Variants in SNX29 observed in about 807,000 individuals in gnomAD.
SNX29 encodes the protein sorting nexin-29.
A neutral mutation model predicts 102.1 loss-of-function variants in SNX29; 78 were observed. The ratio of observed to expected loss-of-function variants is 0.76; its 90% CI spans 0.64 to 0.92. SNX29 has a LOEUF of 0.92. Ranked by LOEUF, SNX29 falls within the 40% of genes least tolerant of loss-of-function variation. The pLI is 0.00. For missense variants in SNX29, 1,280 were observed against 1,061.7 expected, an observed-to-expected ratio of 1.21 and a Z score of -2.86; for synonymous variants, 580 against 414.5, an observed-to-expected ratio of 1.40 and a Z score of -4.85.
At chr16:12,016,298 A>T (rs1286975548) in intron 3 of SNX29, among the ~76,000 whole-genome samples, 1 of 150,294 alleles carries the variant, frequency 6.7e-6, no homozygotes, top group South Asian at 2.1e-4. Flanking sequence ...CTTAAGCATC[A>T]TTTTTTTTTT....
intron 14 of SNX29, among the ~76,000 whole-genome samples, chr16:12,241,362 A>T (rs891255634): frequency 4.6e-5 from 7 of 152,292 alleles, no homozygotes; most frequent in African/African-American, 1.4e-4. Flanking sequence ...TGAATTAACA[A>T]AAGTTTTGTC....
intron 18 of SNX29, among the ~76,000 whole-genome samples, chr16:12,416,750 A>C (rs1440935950): frequency 6.6e-6 from 1 of 152,068 alleles, no homozygotes; most frequent in Non-Finnish European, 1.5e-5. Context: ...AGAGAGGAGG[A>C]GGTGTTACTC....
At chr16:12,338,936 G>C (rs1262537378) in intron 15 of SNX29, among the ~76,000 whole-genome samples, 1 of 152,240 alleles carries the variant, frequency 6.6e-6, no homozygotes, top group Non-Finnish European at 1.5e-5. Flanking sequence ...CTGCAGCTTA[G>C]AGTCCCCCAG....
chr16:12,555,120 C>CA (rs764714145), intron 20 of SNX29, among the ~76,000 whole-genome samples: 9 of 117,948 alleles, frequency 7.6e-5, no homozygotes, highest in Admixed American at 1.6e-4. Flanking sequence ...CTCAGAGTAT[C>CA]AAAAGGCTTA....
chr16:12,447,868 G>T (rs903547770), intron 18 of SNX29, among the ~76,000 whole-genome samples: 11 of 152,150 alleles, frequency 7.2e-5, no homozygotes, highest in Non-Finnish European at 1.6e-4. Context: ...ACATCTGAGT[G>T]TCTCCATTGC....
intron 9 of SNX29, among the ~76,000 whole-genome samples, chr16:12,063,614 C>A (rs553952126): frequency 6.6e-6 from 1 of 151,876 alleles, no homozygotes; most frequent in Non-Finnish European, 1.5e-5. Flanking sequence ...CCTGACCTCA[C>A]GTGATCCACC....
chr16:12,488,061 A>G (rs2088337626), intron 19 of SNX29, among the ~76,000 whole-genome samples: 1 of 152,234 alleles, frequency 6.6e-6, no homozygotes, highest in Non-Finnish European at 1.5e-5. Context: ...GTGGAGGCCT[A>G]TGCATAGGTA....
At chr16:12,561,773 A>T (rs1326675574) in intron 20 of SNX29, among the ~76,000 whole-genome samples, 1 of 150,276 alleles carries the variant, frequency 6.7e-6, no homozygotes, top group African/African-American at 2.5e-5. Context: ...ACCAAAGCAC[A>T]TGTCAGGACC....
At chr16:12,478,325 C>G (rs959615525) in intron 19 of SNX29, among the ~76,000 whole-genome samples, 5 of 152,210 alleles carry the variant, frequency 3.3e-5, no homozygotes, top group African/African-American at 1.2e-4. Flanking sequence ...AAATGCTTTT[C>G]TAGTTTTCAT....
At chr16:12,311,522 C>T (rs924223581) in intron 15 of SNX29, among the ~76,000 whole-genome samples, 8 of 152,348 alleles carry the variant, frequency 5.3e-5, no homozygotes, top group Admixed American at 3.3e-4. Flanking sequence ...AGATGCAGGG[C>T]GGTTGAGCTT....
chr16:12,238,060 G>A (rs1567344057), intron 14 of SNX29, among the ~76,000 whole-genome samples: 1 of 152,206 alleles, frequency 6.6e-6, no homozygotes, highest in African/African-American at 2.4e-5. Flanking sequence ...GTTGGATAAG[G>A]GTGAGACCTA....
intron 19 of SNX29, among the ~76,000 whole-genome samples, chr16:12,481,146 C>G (rs2087887962): frequency 6.6e-6 from 1 of 152,054 alleles, no homozygotes; most frequent in Admixed American, 6.5e-5. Flanking sequence ...TGCAAATAGA[C>G]AAGCTTGAGA....
chr16:12,378,491 A>G (rs2082958125), intron 16 of SNX29, among the ~76,000 whole-genome samples: 2 of 152,188 alleles, frequency 1.3e-5, no homozygotes, highest in Admixed American at 1.3e-4. Flanking sequence ...TCTACTAAAA[A>G]TACAAAAATT....
At chr16:12,365,176 A>G (rs747035352) in intron 16 of SNX29, among the ~76,000 whole-genome samples, 11 of 152,154 alleles carry the variant, frequency 7.2e-5, no homozygotes, top group Non-Finnish European at 1.3e-4. Context: ...CAAGCAAAAT[A>G]TGGTGTCTGT....
intron 19 of SNX29, among the ~76,000 whole-genome samples, chr16:12,508,524 G>A (rs2089473501): frequency 6.6e-6 from 1 of 152,220 alleles, no homozygotes; most frequent in African/African-American, 2.4e-5. Context: ...TAGCTGATTT[G>A]AGAATGGAGA....
chr16:12,509,167 C>T (rs2089503101), intron 19 of SNX29, among the ~76,000 whole-genome samples: 2 of 152,202 alleles, frequency 1.3e-5, no homozygotes, highest in South Asian at 2.1e-4. Flanking sequence ...GCCACCACTG[C>T]TGCCATTAAA....
chr16:12,058,723 A>G (rs940324091), intron 8 of SNX29, among the ~76,000 whole-genome samples: 1 of 147,860 alleles, frequency 6.8e-6, no homozygotes, highest in Non-Finnish European at 1.5e-5. Context: ...TGAACTCCTG[A>G]CCTCAGGTGA....
intron 16 of SNX29, among the ~76,000 whole-genome samples, chr16:12,366,291 C>G (rs527673188): frequency 6.6e-6 from 1 of 152,246 alleles, no homozygotes; most frequent in Non-Finnish European, 1.5e-5. Context: ...AATTATTTCC[C>G]CAAGGAACAC....
intron 11 of SNX29, among the ~76,000 whole-genome samples, chr16:12,090,940 AG>A (rs1363001256): frequency 7.1e-6 from 1 of 141,746 alleles, no homozygotes; most frequent in Non-Finnish European, 1.5e-5. Flanking sequence ...ACTTGAACCC[AG>A]GAAGTGGAGG....
Sources: gnomAD v4.1 joint callset for allele counts (sites outside exome capture counted in the v4.1 genomes callset) on GRCh38, gnomAD v4.1.1 for gene constraint, MANE v1.5 for transcripts, NCBI Gene and HGNC (gene_info 2026-07-23, HGNC 2026-07-21) for gene names.